Variants in ZFHX3 observed in about 807,000 individuals in gnomAD.
ZFHX3 encodes the protein zinc finger homeobox protein 3.
ZFHX3 carries 42 observed loss-of-function variants against 279.1 expected under a neutral mutation model. The ratio of observed to expected loss-of-function variants is 0.15; its 90% confidence interval spans 0.12 to 0.19. The LOEUF is 0.19. Ranked by LOEUF, ZFHX3 falls within the 10% of genes least tolerant of loss-of-function variation. ZFHX3 has a pLI of 1.00. For synonymous variants in ZFHX3, 2,293 were observed against 1,957.8 expected, an observed-to-expected ratio of 1.17 and a Z score of -4.52; for missense variants, 4,981 against 4,754.0, an observed-to-expected ratio of 1.05 and a Z score of -1.40.
Position 72,797,458 on chromosome 16 carries a change from CTTGTTG to C in ZFHX3, c.5218_5223del (p.Gln1740_Gln1741del), listed in dbSNP as rs34918837. 0.015 allele frequency: 23,856 copies of C among 1,605,886 alleles called. 921 individuals carry two copies. The highest frequency in any genetic ancestry group is 0.12 in the South Asian group (10,766 of 90,514). On this transcript the variant is annotated inframe_deletion, in exon 9 of 10. Coordinates refer to ENST00000268489, the MANE Select transcript of ZFHX3 (RefSeq NM_006885.4). ...GCCTGGGCCTGGGCCAGCGTTTGTGCTTGTTGTTGTTGTTGTTGTTGTTGTTGTTGC... is the reference window on the plus strand; with the variant it reads ...GCCTGGGCCTGGGCCAGCGTTTGTGCTTGTTGTTGTTGTTGTTGTTGTTGC...
intron 2 of ZFHX3, among the ~76,000 whole-genome samples, chr16:73,640,597 T>C (rs1159791279): frequency 2.0e-5 from 3 of 152,094 alleles, no homozygotes; most frequent in African/African-American, 4.8e-5. Flanking sequence ...CAGAATTGTT[T>C]AAAAATCAAG....
intron 3 of ZFHX3, among the ~76,000 whole-genome samples, chr16:72,899,674 TA>T (rs2144123120): frequency 6.6e-6 from 1 of 152,292 alleles, no homozygotes; most frequent in South Asian, 2.1e-4. Flanking sequence ...TGAATCTCAC[TA>T]GCTGTGCCAC....
intron 7 of ZFHX3, among the ~76,000 whole-genome samples, chr16:72,810,795 C>G (rs1354270452): frequency 6.6e-6 from 1 of 152,218 alleles, no homozygotes; most frequent in East Asian, 1.9e-4. Flanking sequence ...CTCAACTCTG[C>G]TCCTTACAAA....
chr16:73,221,430 T>G (rs1321415526), intron 5 of ZFHX3, among the ~76,000 whole-genome samples: 1 of 152,118 alleles, frequency 6.6e-6, no homozygotes, highest in Non-Finnish European at 1.5e-5. Flanking sequence ...TTTTAGTAGG[T>G]TTTGAAATAA....
intron 1 of ZFHX3, among the ~76,000 whole-genome samples, chr16:73,815,289 T>C (rs1393925199): frequency 6.6e-6 from 1 of 152,224 alleles, no homozygotes; most frequent in Non-Finnish European, 1.5e-5. Flanking sequence ...TTCCTTCTGA[T>C]CTAAGCATAC....
In ZFHX3 at chr16:72,796,300, G is replaced by A. The variant is rs145344091; in HGVS notation, c.6382C>T (p.Leu2128=). 3.7e-6 allele frequency: 6 copies of A among 1,614,026 alleles called. No individual in the cohort carries two copies. The highest frequency in any genetic ancestry group is 4.2e-6 in the Non-Finnish European group (5 of 1,180,026). ...AGCTGATGCTGGTAGAGTTGGGCCA[G>A]GTCCGCAGGCAGAGGCTCCACAGGT... ...LGPVEPLPAD[L]AQLYQHQLNP... is the part of the protein sequence containing the mutation. The change falls in exon 9 of 10, where the codon CTG becomes TTG. Residue 2128 remains leucine (L), a synonymous_variant. Coordinates refer to ENST00000268489, the MANE Select transcript of ZFHX3 (RefSeq NM_006885.4).
intron 2 of ZFHX3, among the ~76,000 whole-genome samples, chr16:73,534,192 A>T (rs2459558): frequency 0.56 from 85,223 of 151,892 alleles, 24,250 homozygotes; most frequent in East Asian, 0.71. Context: ...GCCATGGTGA[A>T]TTCTTCAATG....
At chr16:73,800,245 T>G (rs1960105293) in intron 1 of ZFHX3, among the ~76,000 whole-genome samples, 1 of 150,782 alleles carries the variant, frequency 6.6e-6, no homozygotes, top group Admixed American at 6.6e-5. Context: ...TTAGATGGAG[T>G]CTCACTCTGT....
chr16:73,064,841 C>T (rs1965726672), intron 8 of ZFHX3, among the ~76,000 whole-genome samples: 2 of 152,208 alleles, frequency 1.3e-5, no homozygotes, highest in African/African-American at 4.8e-5. Context: ...GGCGCGGAGC[C>T]GGTGGCTCTC....
At chr16:73,765,498 T>A (rs1030919521) in intron 1 of ZFHX3, among the ~76,000 whole-genome samples, 3 of 152,192 alleles carry the variant, frequency 2.0e-5, no homozygotes, top group African/African-American at 7.2e-5. Flanking sequence ...TGAGGCTAGT[T>A]AAGGCTGTGG....
chr16:72,917,055 A>G (rs1022738258), intron 3 of ZFHX3, among the ~76,000 whole-genome samples: 1 of 152,132 alleles, frequency 6.6e-6, no homozygotes, highest in Non-Finnish European at 1.5e-5. Flanking sequence ...CCTGAACAAC[A>G]TGGTGAAACC....
intron 3 of ZFHX3, among the ~76,000 whole-genome samples, chr16:73,321,991 G>A (rs114916080): frequency 1.5e-3 from 229 of 152,322 alleles, no homozygotes; most frequent in African/African-American, 4.9e-3. Flanking sequence ...TAAAAATCCC[G>A]GAGGTAGACG....
intron 1 of ZFHX3, among the ~76,000 whole-genome samples, chr16:73,715,508 A>G (rs377498030): frequency 1.3e-5 from 2 of 151,640 alleles, no homozygotes. Context: ...TTTATAGATG[A>G]AGACACTGAG....
At chr16:73,112,966 G>T (rs551379084) in intron 7 of ZFHX3, among the ~76,000 whole-genome samples, 1 of 151,998 alleles carries the variant, frequency 6.6e-6, no homozygotes, top group Non-Finnish European at 1.5e-5. Flanking sequence ...GCAGCCCTGC[G>T]CCTTGGTTCA....
At chr16:73,264,841 A>G (rs1013205481) in intron 4 of ZFHX3, among the ~76,000 whole-genome samples, 6 of 152,064 alleles carry the variant, frequency 3.9e-5, no homozygotes, top group Non-Finnish European at 7.3e-5. Flanking sequence ...TTGGTTTTCC[A>G]TTCTTGAGTT....
intron 3 of ZFHX3, among the ~76,000 whole-genome samples, chr16:72,924,441 C>T (rs1959330647): frequency 6.6e-6 from 1 of 152,196 alleles, no homozygotes; most frequent in African/African-American, 2.4e-5. Context: ...CTGTTATACA[C>T]CTGCCTTTGT....
rs74028485 is a variant in ZFHX3 at position 73,792,280 on chromosome 16, T to C, written c.-1608+99371A>G. Among the ~76,000 whole-genome samples, 650 of 152,276 alleles carry C rather than the reference T, an allele frequency of 4.3e-3. 11 individuals are homozygous for C. The highest frequency in any genetic ancestry group is 4.3e-3 in the African/African-American group (179 of 41,562). On this transcript the variant is annotated intron_variant, in intron 1 of 17. Transcript: ENST00000641206. ...CATGCCTTAAGAAATGCAACATGAATACGGGGGAATGAACTCATTTCCAGG... is the reference window on the plus strand; with the variant it reads ...CATGCCTTAAGAAATGCAACATGAACACGGGGGAATGAACTCATTTCCAGG...
chr16:73,889,937 G>A (rs893375484), intron 1 of ZFHX3, among the ~76,000 whole-genome samples: 2 of 152,186 alleles, frequency 1.3e-5, no homozygotes, highest in African/African-American at 2.4e-5. Flanking sequence ...AACTAATGGA[G>A]TTGCTTTGGA....
intron 2 of ZFHX3, among the ~76,000 whole-genome samples, chr16:73,532,345 G>C (rs73601001): frequency 0.035 from 5,320 of 152,142 alleles, 340 homozygotes; most frequent in African/African-American, 0.12. Flanking sequence ...TTTGCCTGTG[G>C]CCATGTAAGA....
Sources: gnomAD v4.1 joint callset for allele counts (sites outside exome capture counted in the v4.1 genomes callset) on GRCh38, gnomAD v4.1.1 for gene constraint, MANE v1.5 for transcripts, NCBI Gene and HGNC (gene_info 2026-07-23, HGNC 2026-07-21) for gene names.